Variants in TMEM244 observed in about 807,000 individuals in gnomAD.
TMEM244 encodes the protein putative transmembrane protein 244.
A neutral mutation model predicts 15.8 loss-of-function variants in TMEM244; 13 were observed. That is an observed-to-expected ratio of 0.82 (90% CI 0.53 to 1.30). The LOEUF is 1.30. TMEM244 is among the 50% of genes most tolerant of loss of function. TMEM244 has a pLI of 0.00. For synonymous variants in TMEM244, 45 were observed against 48.7 expected, an observed-to-expected ratio of 0.92 and a Z score of 0.32; for missense variants, 161 against 144.9, an observed-to-expected ratio of 1.11 and a Z score of -0.57.
intron 3 of TMEM244, among the ~76,000 whole-genome samples, chr6:129,843,220 G>T (rs938136338): frequency 6.6e-6 from 1 of 151,794 alleles, no homozygotes; most frequent in East Asian, 1.9e-4. Flanking sequence ...TTCTACATCA[G>T]CACATTAAGT....
intron 1 of TMEM244, among the ~76,000 whole-genome samples, chr6:129,849,011 C>G (rs1308645110): frequency 6.6e-6 from 1 of 151,938 alleles, no homozygotes; most frequent in African/African-American, 2.4e-5. Flanking sequence ...TAAAATTTTC[C>G]TTGTATAATC....
chr6:129,851,514 C>T (rs2114643837), intron 1 of TMEM244, among the ~76,000 whole-genome samples: 1 of 152,242 alleles, frequency 6.6e-6, no homozygotes, highest in South Asian at 2.1e-4. Flanking sequence ...AAGTGATCTG[C>T]CCGCCTTAGC....
At chr6:129,835,146 A>G (rs947104985) in intron 3 of TMEM244, among the ~76,000 whole-genome samples, 23 of 152,208 alleles carry the variant, frequency 1.5e-4, no homozygotes, top group African/African-American at 5.5e-4. Context: ...CTGTAATTCC[A>G]GCACTTTGGG....
intron 3 of TMEM244, among the ~76,000 whole-genome samples, chr6:129,837,228 G>T (rs1776421519): frequency 6.6e-6 from 1 of 152,204 alleles, no homozygotes; most frequent in Non-Finnish European, 1.5e-5. Flanking sequence ...TGGATCTCTT[G>T]GCAGAAACCC....
At chr6:129,859,015 G>A (rs1190612743) in intron 1 of TMEM244, among the ~76,000 whole-genome samples, 2 of 151,996 alleles carry the variant, frequency 1.3e-5, no homozygotes, top group Non-Finnish European at 2.9e-5. Flanking sequence ...GGCTGGTATC[G>A]AACTCCTGAC....
intron 1 of TMEM244, among the ~76,000 whole-genome samples, chr6:129,851,465 T>C (rs1210610604): frequency 6.6e-6 from 1 of 152,162 alleles, no homozygotes; most frequent in South Asian, 2.1e-4. Flanking sequence ...AGACGGGGTT[T>C]CACCATGTTG....
chr6:129,837,779 C>T (rs753559193), intron 3 of TMEM244, among the ~76,000 whole-genome samples: 1 of 152,118 alleles, frequency 6.6e-6, no homozygotes, highest in Non-Finnish European at 1.5e-5. Context: ...ATCTTAGTCT[C>T]TGATACAACA....
intron 1 of TMEM244, among the ~76,000 whole-genome samples, chr6:129,859,143 G>A (rs146131527): frequency 1.1e-3 from 167 of 152,258 alleles, no homozygotes; most frequent in Non-Finnish European, 1.9e-3. Flanking sequence ...CAGATCCACT[G>A]GAGTTTCTCC....
At chr6:129,844,664 A>G (rs1391451905) in intron 2 of TMEM244, among the ~76,000 whole-genome samples, 1 of 152,200 alleles carries the variant, frequency 6.6e-6, no homozygotes, top group Non-Finnish European at 1.5e-5. Flanking sequence ...ACAAACCCTT[A>G]AAATCCGGTG....
chr6:129,849,106 T>C (rs1457339087), intron 1 of TMEM244, among the ~76,000 whole-genome samples: 1 of 152,080 alleles, frequency 6.6e-6, no homozygotes, highest in African/African-American at 2.4e-5. Context: ...TTTAATTAAA[T>C]TATAATTTGC....
intron 2 of TMEM244, among the ~76,000 whole-genome samples, chr6:129,844,512 A>G (rs1183044906): frequency 6.6e-6 from 1 of 152,184 alleles, no homozygotes; most frequent in African/African-American, 2.4e-5. Context: ...CTGTTCTAAA[A>G]TCTGAGTCTA....
intron 3 of TMEM244, among the ~76,000 whole-genome samples, chr6:129,836,193 C>T (rs1027360515): frequency 1.3e-5 from 2 of 152,090 alleles, no homozygotes; most frequent in East Asian, 3.9e-4. Context: ...GGCAGGTGCC[C>T]CTCTGGGACG....
intron 1 of TMEM244, among the ~76,000 whole-genome samples, chr6:129,851,692 A>C (rs1233770978): frequency 2.6e-5 from 4 of 152,226 alleles, no homozygotes; most frequent in African/African-American, 4.8e-5. Context: ...ATAGGAAAAT[A>C]ATTATATTGA....
intron 3 of TMEM244, among the ~76,000 whole-genome samples, chr6:129,836,034 G>A (rs567482737): frequency 2.4e-4 from 37 of 152,250 alleles, no homozygotes; most frequent in Non-Finnish European, 4.3e-4. Context: ...TAAACGTCCC[G>A]TCTGACAGCT....
At chr6:129,831,452 C>CGTCTGTTTGGTCA in intron 4 of TMEM244, 66 bp from the exon 5 acceptor site, 1 of 1,131,462 alleles carries the variant, frequency 8.8e-7, no homozygotes, top group East Asian at 2.4e-5. Flanking sequence ...AGAAGAAATA[C>CGTCTGTTTGGTCA]GTCTGTTTGG....
At chr6:129,849,129 T>C (rs543295190) in intron 1 of TMEM244, among the ~76,000 whole-genome samples, 46 of 152,190 alleles carry the variant, frequency 3.0e-4, no homozygotes, top group Non-Finnish European at 5.7e-4. Flanking sequence ...GACAATATAT[T>C]TGTTGACAAA....
chr6:129,838,386 A>G (rs1776438282), intron 3 of TMEM244, among the ~76,000 whole-genome samples: 1 of 152,226 alleles, frequency 6.6e-6, no homozygotes, highest in East Asian at 1.9e-4. Flanking sequence ...TTTGAAACCA[A>G]TGAGAACAAA....
chr6:129,832,325 T>A (rs1311362997), intron 4 of TMEM244, among the ~76,000 whole-genome samples: 2 of 152,258 alleles, frequency 1.3e-5, no homozygotes, highest in South Asian at 4.1e-4. Context: ...CTTCAACTCC[T>A]GACCTCAGGT....
At chr6:129,834,097 A>G (rs943960192) in intron 3 of TMEM244, among the ~76,000 whole-genome samples, 1 of 152,244 alleles carries the variant, frequency 6.6e-6, no homozygotes, top group Non-Finnish European at 1.5e-5. Flanking sequence ...CACTTGGGAA[A>G]CATAACTGAT....
Sources: gnomAD v4.1 joint callset for allele counts (sites outside exome capture counted in the v4.1 genomes callset) on GRCh38, gnomAD v4.1.1 for gene constraint, MANE v1.5 for transcripts, NCBI Gene and HGNC (gene_info 2026-07-23, HGNC 2026-07-21) for gene names.